The following ZNF595 variants were observed in gnomAD, a reference collection of about 807,000 sequenced individuals.
The protein encoded by ZNF595 is zinc finger protein 595.
ZNF595 carries 9 observed loss-of-function variants against 19.4 expected under a neutral mutation model. That is an observed-to-expected ratio of 0.46 (90% CI 0.28 to 0.81). The LOEUF is 0.81. Ranked by LOEUF, ZNF595 falls within the 30% of genes least tolerant of loss-of-function variation. ZNF595 has a pLI of 0.11. For missense variants in ZNF595, 729 were observed against 736.0 expected (o/e 0.99, Z 0.11); for synonymous variants, 255 against 255.9 (o/e 1.00, Z 0.03).
chr4:69,824 A>G (rs1481533737), intron 3 of ZNF595, among the ~76,000 whole-genome samples: 1 of 152,076 alleles, frequency 6.6e-6, no homozygotes, highest in Non-Finnish European at 1.5e-5. Context: ...TTGTGGGGGT[A>G]TTATTCAAGA....
chr4:87,369 G>A lies in ZNF595; in HGVS notation c.1865G>A (p.Cys622Tyr), dbSNP rs782111018. 2.3e-5 allele frequency: 37 copies of A among 1,613,372 alleles called. No individual in the cohort carries two copies. Among genetic ancestry groups the A allele is most frequent in the Non-Finnish European group, 3.1e-5 (37 of 1,179,766 alleles). The change falls in exon 4 of 4, where the codon TGT (cysteine) becomes TAT (tyrosine). Residue 622 changes from cysteine (C) to tyrosine (Y), a missense_variant. Physicochemically the swap from Cys to Tyr is radical, Grantham distance 194. Around this residue, in one of 2 missense-constraint regions of ZNF595, gnomAD observed 729 missense variants for 675.3 expected, o/e 1.08. Transcript: ENST00000610261. ...IIHTGEKSYK[C>Y]EECGKAFNRP... ...CATACTGGAGAGAAATCCTACAAAT[G>A]TGAAGAATGTGGCAAAGCTTTTAAT...
At chr4:73,763 A>G (rs559661905) in intron 3 of ZNF595, among the ~76,000 whole-genome samples, 1 of 152,256 alleles carries the variant, frequency 6.6e-6, no homozygotes, top group East Asian at 1.9e-4. Flanking sequence ...TTCTGTGAGT[A>G]GTTTTATCAA....
intron 3 of ZNF595, among the ~76,000 whole-genome samples, chr4:85,096 C>T (rs1343887263): frequency 1.3e-5 from 2 of 152,180 alleles, no homozygotes; most frequent in Non-Finnish European, 2.9e-5. Flanking sequence ...GCCTCTCATA[C>T]ATGTTCTAAG....
At chr4:68,817 T>G (rs1192134720) in intron 3 of ZNF595, among the ~76,000 whole-genome samples, 2 of 152,242 alleles carry the variant, frequency 1.3e-5, no homozygotes, top group Non-Finnish European at 2.9e-5. Flanking sequence ...CTTTTGACTA[T>G]AGTCACTCTG....
At chr4:80,873 T>C (rs1713878844) in intron 3 of ZNF595, among the ~76,000 whole-genome samples, 1 of 152,182 alleles carries the variant, frequency 6.6e-6, no homozygotes. Flanking sequence ...TGCAGGTTTG[T>C]TACATAAGTA....
chr4:70,125 A>T (rs1769399537), intron 3 of ZNF595, among the ~76,000 whole-genome samples: 1 of 152,146 alleles, frequency 6.6e-6, no homozygotes, highest in Non-Finnish European at 1.5e-5. Context: ...AGAGTAATTG[A>T]CATTGTGGAC....
In ZNF595 at chr4:87,722, T is replaced by C. The variant is rs2108766127; in HGVS notation, c.*271T>C. 5.1e-6 allele frequency: 1 copy of C among 197,278 alleles called. No homozygotes were observed. The highest frequency in any genetic ancestry group is 1.1e-4 in the East Asian group (1 of 9,372). 12.2% of individuals were successfully genotyped at this position (197,278 alleles called of 1,614,324 possible). ...GTCCAGTTATACACTTTAATTTTTTTTTTTTTTTTTTTTTTTGAGACAGAG... is the reference window on the plus strand; with the variant it reads ...GTCCAGTTATACACTTTAATTTTTTCTTTTTTTTTTTTTTTTGAGACAGAG... On this transcript the variant is annotated 3_prime_UTR_variant, in exon 4 of 4. Coordinates refer to ENST00000610261, the MANE Select transcript of ZNF595 (RefSeq NM_182524.4).
At chr4:84,523 A>G (rs77300697) in intron 3 of ZNF595, among the ~76,000 whole-genome samples, 2,160 of 152,266 alleles carry the variant, frequency 0.014, 31 homozygotes, top group Non-Finnish European at 0.021. Context: ...TAACTATATC[A>G]CAATTCCCTC....
At position 81,067 on chromosome 4, in the gene ZNF595, A is replaced by G. The variant is rs561214576; in HGVS notation, c.227-4664A>G. 1.4e-4 allele frequency among the ~76,000 whole-genome samples: 22 copies of G among 152,148 alleles called. No individual in the cohort carries two copies. The East Asian group carries it at 4.2e-3, about 29-fold the overall frequency. On this transcript the variant is annotated intron_variant, in intron 3 of 3. Transcript: ENST00000610261. ...CTCATTGTTCAACTCCCACTTATGA[A>G]TGAGAACATGTGGTGTTTGGTTTTC...
rs1714155944 is a variant in ZNF595 at position 86,183 on chromosome 4, C to A, written c.679C>A (p.Pro227Thr). The A allele has an allele frequency of 6.2e-7, 1 of 1,613,628 alleles. No individual in the cohort carries two copies. The highest frequency in any genetic ancestry group is 1.7e-5 in the Admixed American group (1 of 59,982). The change falls in exon 4 of 4, where the codon CCC becomes ACC. Residue 227 changes from proline to threonine, a missense_variant. This residue lies in a region of ZNF595 where 729 missense variants were observed against 675.3 expected (regional missense o/e 1.08). Transcript: ENST00000610261. ...KHKRIHTGEKPYTCEECGKAF... is the reference protein window; with the variant it reads ...KHKRIHTGEKTYTCEECGKAF... ...TAAGAGAATTCATACTGGAGAGAAA[C>A]CCTACACATGTGAAGAATGTGGCAA... is the stretch of plus-strand genomic sequence containing the variant.
intron 2 of ZNF595, 127 bp from the exon 3 acceptor site, chr4:59,930 CA>C (rs1712774257): frequency 3.7e-6 from 1 of 268,876 alleles, no homozygotes; most frequent in Non-Finnish European, 7.0e-6. Flanking sequence ...AAGATTCTGT[CA>C]GGAAACAATT....
At chr4:82,472 C>T (rs1713959282) in intron 3 of ZNF595, among the ~76,000 whole-genome samples, 1 of 148,044 alleles carries the variant, frequency 6.8e-6, no homozygotes, top group Admixed American at 6.8e-5. Context: ...CAACCCTCTG[C>T]CTCCCAGGTT....
rs558920342 is a variant in ZNF595, at chr4:87,068, G to A, written c.1564G>A (p.Gly522Ser). The A allele has an allele frequency of 3.5e-5, 56 of 1,595,242 alleles. No homozygotes were observed. The highest frequency in any genetic ancestry group is 2.7e-4 in the East Asian group (12 of 43,776). ...ECGKAFNQSS[G>S]LIIHRSIHSE... ...TGGCAAAGCTTTTAACCAATCCTCA[G>A]GCCTTATTATACACAGGAGCATTCA... Residue 522 changes from glycine to serine, a missense_variant, in exon 4 of 4, where the codon GGC becomes AGC. Coordinates refer to ENST00000610261, the MANE Select transcript of ZNF595 (RefSeq NM_182524.4).
chr4:70,370 C>T (rs13101592), intron 3 of ZNF595, among the ~76,000 whole-genome samples: 1 of 151,088 alleles, frequency 6.6e-6, no homozygotes, highest in Non-Finnish European at 1.5e-5. Context: ...CAGAGACTTG[C>T]TCTGTCACCC....
In ZNF595 at chr4:86,858, T is replaced by C. The variant is rs782013001; in HGVS notation, c.1354T>C (p.Tyr452His). ...GAGAATCCATTCTGGGCAAAAACCT[T>C]ACAAATGTGAAGAATGTGGCAAAGC... ...HKRIHSGQKP[Y>H]KCEECGKAFT... is the part of the protein sequence containing the mutation. The change falls in exon 4 of 4, where the codon TAC becomes CAC. Residue 452 changes from tyrosine to histidine, a missense_variant. This residue lies in a region of ZNF595 where 729 missense variants were observed against 675.3 expected (regional missense o/e 1.08). Coordinates refer to ENST00000610261, the MANE Select transcript of ZNF595 (RefSeq NM_182524.4). 6.2e-7 allele frequency: 1 copy of C among 1,613,752 alleles called. No homozygotes were observed.
intron 3 of ZNF595, among the ~76,000 whole-genome samples, chr4:70,211 G>A (rs1404546343): frequency 1.3e-5 from 2 of 152,046 alleles, no homozygotes; most frequent in African/African-American, 4.8e-5. Flanking sequence ...AATCCCTACA[G>A]TTTGAGGTCT....
intron 3 of ZNF595, among the ~76,000 whole-genome samples, chr4:66,677 A>G (rs1432258362): frequency 6.6e-6 from 1 of 152,056 alleles, no homozygotes; most frequent in African/African-American, 2.4e-5. Context: ...CAGTTTTCCA[A>G]CACCATCTAT....
chr4:70,740 T>C (rs1027577780), intron 3 of ZNF595, among the ~76,000 whole-genome samples: 1 of 152,240 alleles, frequency 6.6e-6, no homozygotes, highest in Non-Finnish European at 1.5e-5. Flanking sequence ...CCCATGCTGT[T>C]CTAATTACTG....
intron 3 of ZNF595, among the ~76,000 whole-genome samples, chr4:78,987 C>G (rs782622194): frequency 6.6e-6 from 1 of 152,220 alleles, no homozygotes; most frequent in Non-Finnish European, 1.5e-5. Context: ...GCCACCACCC[C>G]CGGCCAACAT....
Sources: allele counts gnomAD v4.1 joint callset (sites outside exome capture counted in the v4.1 genomes callset), GRCh38; gene constraint gnomAD v4.1.1; regional missense constraint gnomAD v4.1.1; transcripts MANE v1.5; gene names NCBI Gene and HGNC (gene_info 2026-07-23, HGNC 2026-07-21).